SGCD: variants seen among roughly 807,000 people sequenced by gnomAD.
The protein encoded by SGCD is delta-sarcoglycan.
A neutral mutation model predicts 36.6 loss-of-function variants in SGCD; 18 were observed. The observed-to-expected ratio is 0.49, with a 90% CI of 0.34 to 0.73. The LOEUF (loss-of-function observed/expected upper bound fraction) is 0.73. Among genes scored for constraint, SGCD ranks in the 30% least tolerant of loss-of-function variants. SGCD has a pLI of 0.01. For missense variants in SGCD, 387 were observed against 346.7 expected, an observed-to-expected ratio of 1.12 and a Z score of -0.92; for synonymous variants, 133 against 130.6, an observed-to-expected ratio of 1.02 and a Z score of -0.12.
At chr5:156,691,169 T>C (rs1216632585) in intron 7 of SGCD, among the ~76,000 whole-genome samples, 3 of 116,460 alleles carry the variant, frequency 2.6e-5, no homozygotes, top group Non-Finnish European at 4.8e-5. Context: ...ATTGTGCCAC[T>C]GCACTCCAGT....
chr5:156,413,506 G>A (rs1378656255), intron 3 of SGCD, among the ~76,000 whole-genome samples: 2 of 152,208 alleles, frequency 1.3e-5, no homozygotes, highest in East Asian at 1.9e-4. Flanking sequence ...AGATAGGATC[G>A]CACTCTGTCG....
At chr5:155,897,325 G>A (rs926056166) in intron 1 of SGCD, among the ~76,000 whole-genome samples, 3 of 151,982 alleles carry the variant, frequency 2.0e-5, no homozygotes, top group African/African-American at 4.8e-5. Context: ...ACCTGTCTAG[G>A]GCACTTACCA....
the SGCD span, among the ~76,000 whole-genome samples, chr5:155,755,136 G>A: frequency 1.3e-5 from 2 of 152,138 alleles, no homozygotes; most frequent in African/African-American, 2.4e-5. Flanking sequence ...TTTTCTTTGT[G>A]ATTCACCATG....
chr5:156,224,631 TG>T (rs1245784667), intron 3 of SGCD, among the ~76,000 whole-genome samples: 1 of 152,152 alleles, frequency 6.6e-6, no homozygotes. Context: ...AAGAAAGAAC[TG>T]TGTGTGGAGG....
chr5:156,412,387 T>G (rs1264074419), intron 3 of SGCD, among the ~76,000 whole-genome samples: 1 of 152,244 alleles, frequency 6.6e-6, no homozygotes, highest in Non-Finnish European at 1.5e-5. Context: ...TTTCTACCTA[T>G]GTTTATAAAT....
At chr5:155,737,338 A>G in the SGCD span, among the ~76,000 whole-genome samples, 1 of 152,204 alleles carries the variant, frequency 6.6e-6, no homozygotes, top group Non-Finnish European at 1.5e-5. Context: ...ATTTAATGAT[A>G]TCCTCTATTC....
chr5:156,426,949 T>C (rs1212950437), intron 3 of SGCD, among the ~76,000 whole-genome samples: 1 of 152,188 alleles, frequency 6.6e-6, no homozygotes, highest in African/African-American at 2.4e-5. Flanking sequence ...ACTATAGCCT[T>C]GTAGTATAAT....
chr5:156,406,018 T>TAAAAAAAGAAAAAAAAAAAAAAAA (rs1772381403), intron 3 of SGCD, among the ~76,000 whole-genome samples: 1 of 103,984 alleles, frequency 9.6e-6, no homozygotes, highest in Non-Finnish European at 1.8e-5. Context: ...TATCTTTGCT[T>TAAAAAAAGAAAAAAAAAAAAAAAA]AAAAAAAAAA....
intron 3 of SGCD, among the ~76,000 whole-genome samples, chr5:156,138,388 G>T (rs28622493): frequency 2.6e-5 from 4 of 152,106 alleles, no homozygotes; most frequent in Non-Finnish European, 5.9e-5. Context: ...GCAACAGAGC[G>T]AGACTTCATC....
At chr5:156,360,919 G>T (rs915306794) in intron 3 of SGCD, among the ~76,000 whole-genome samples, 2 of 152,080 alleles carry the variant, frequency 1.3e-5, no homozygotes, top group Non-Finnish European at 2.9e-5. Flanking sequence ...ACCCAGAAAG[G>T]CTGTCACACC....
At chr5:155,883,091 A>G (rs1172660739) in intron 1 of SGCD, among the ~76,000 whole-genome samples, 2 of 151,962 alleles carry the variant, frequency 1.3e-5, no homozygotes, top group Admixed American at 6.6e-5. Flanking sequence ...CTAATTTCCC[A>G]CTTTTCTTTT....
At chr5:156,478,577 C>T (rs1179181779) in intron 3 of SGCD, among the ~76,000 whole-genome samples, 1 of 152,072 alleles carries the variant, frequency 6.6e-6, no homozygotes, top group East Asian at 1.9e-4. Context: ...AATCATTCTC[C>T]AGTTGACTTT....
At chr5:155,988,935 A>G (rs2127564112) in intron 1 of SGCD, among the ~76,000 whole-genome samples, 3 of 152,324 alleles carry the variant, frequency 2.0e-5, no homozygotes, top group Admixed American at 2.0e-4. Context: ...GGACAGTGGA[A>G]GTTTAACTGT....
intron 3 of SGCD, among the ~76,000 whole-genome samples, chr5:156,353,490 G>C (rs145696430): frequency 2.3e-3 from 357 of 152,298 alleles, no homozygotes; most frequent in African/African-American, 8.0e-3. Flanking sequence ...ATTAAAGGTA[G>C]GAGACTTCAT....
chr5:156,439,358 G>T (rs893900982), intron 3 of SGCD, among the ~76,000 whole-genome samples: 1 of 152,096 alleles, frequency 6.6e-6, no homozygotes. Flanking sequence ...TACCTGGATG[G>T]CAAACAAATA....
chr5:156,676,098 G>T (rs543868260), intron 7 of SGCD, among the ~76,000 whole-genome samples: 3 of 152,210 alleles, frequency 2.0e-5, no homozygotes, highest in African/African-American at 7.2e-5. Flanking sequence ...GGAATATTTT[G>T]TATTATCCAA....
intron 7 of SGCD, among the ~76,000 whole-genome samples, chr5:156,756,875 A>G (rs1301667356): frequency 6.6e-6 from 1 of 152,212 alleles, no homozygotes; most frequent in African/African-American, 2.4e-5. Flanking sequence ...CCCTCTCTGC[A>G]GTGCAGAAAT....
intron 3 of SGCD, among the ~76,000 whole-genome samples, chr5:156,365,112 T>C (rs1160955362): frequency 1.3e-5 from 2 of 152,192 alleles, no homozygotes; most frequent in African/African-American, 4.8e-5. Flanking sequence ...AAGACTTGAA[T>C]AGACATTTCT....
intron 4 of SGCD, among the ~76,000 whole-genome samples, chr5:156,549,325 G>A (rs1758700968): frequency 1.3e-5 from 2 of 152,144 alleles, no homozygotes; most frequent in Non-Finnish European, 2.9e-5. Context: ...GCCTAGATGT[G>A]AACATGGTGG....
Sources: allele counts gnomAD v4.1 joint callset (sites outside exome capture counted in the v4.1 genomes callset), GRCh38; gene constraint gnomAD v4.1.1; transcripts MANE v1.5; gene names NCBI Gene and HGNC (gene_info 2026-07-23, HGNC 2026-07-21).